The following BICC1 variants were observed in gnomAD, a reference collection of about 807,000 sequenced individuals.
BICC1 encodes BicC family RNA binding protein 1, also known as protein bicaudal C homolog 1.
BICC1 carries 43 observed loss-of-function variants against 111.0 expected under a neutral mutation model. The observed-to-expected ratio is 0.39, with a 90% CI of 0.30 to 0.50. BICC1 has a LOEUF of 0.50. Ranked by LOEUF, BICC1 falls within the 20% of genes least tolerant of loss-of-function variation. The pLI, the probability that BICC1 is intolerant of heterozygous loss-of-function variation, is 0.88. For missense variants in BICC1, 1,091 were observed against 1,203.2 expected (o/e 0.91, Z 1.38); for synonymous variants, 467 against 434.4 (o/e 1.07, Z -0.93).
At chr10:58,619,695 G>C (rs1410863672) in intron 1 of BICC1, among the ~76,000 whole-genome samples, 1 of 152,090 alleles carries the variant, frequency 6.6e-6, no homozygotes, top group Non-Finnish European at 1.5e-5. Flanking sequence ...GGATGGTCTT[G>C]ATCTCTTGAC....
chr10:58,776,952 G>A (rs1842764295), intron 3 of BICC1, among the ~76,000 whole-genome samples: 1 of 151,932 alleles, frequency 6.6e-6, no homozygotes, highest in Non-Finnish European at 1.5e-5. Context: ...TTTCTCTTAT[G>A]CTTTGGATTT....
chr10:58,707,348 T>C (rs1014673602), intron 3 of BICC1, among the ~76,000 whole-genome samples: 9 of 152,044 alleles, frequency 5.9e-5, no homozygotes, highest in Non-Finnish European at 1.3e-4. Flanking sequence ...TAGTTGTACT[T>C]AAAGGGCTGA....
At chr10:58,817,782 A>G in intron 19 of BICC1, 60 bp downstream of exon 19, 2 of 1,491,282 alleles carry the variant, frequency 1.3e-6, no homozygotes, top group Non-Finnish European at 9.1e-7. Context: ...GATGACTTCT[A>G]GAATGAAATC....
At chr10:58,750,284 G>C (rs1037932784) in intron 3 of BICC1, among the ~76,000 whole-genome samples, 1 of 152,088 alleles carries the variant, frequency 6.6e-6, no homozygotes, top group African/African-American at 2.4e-5. Flanking sequence ...TTTATACTCA[G>C]TGTGTTAGGC....
At chr10:58,637,746 A>G (rs892009449) in intron 2 of BICC1, among the ~76,000 whole-genome samples, 18 of 152,244 alleles carry the variant, frequency 1.2e-4, no homozygotes, top group African/African-American at 4.3e-4. Context: ...GTAAAACATG[A>G]TAACATAGTA....
chr10:58,601,707 A>G (rs142796086), intron 1 of BICC1, among the ~76,000 whole-genome samples: 1 of 152,212 alleles, frequency 6.6e-6, no homozygotes, highest in Middle Eastern at 3.4e-3. Flanking sequence ...TACAAACACT[A>G]CATCATTACT....
intron 20 of BICC1, chr10:58,823,605 G>T: frequency 1.0e-6 from 1 of 984,998 alleles, no homozygotes; most frequent in Non-Finnish European, 1.2e-6. Context: ...TTGTCTTCAT[G>T]GCCCAGTTGT....
chr10:58,692,738 G>T (rs1839947927), intron 2 of BICC1, among the ~76,000 whole-genome samples: 1 of 151,922 alleles, frequency 6.6e-6, no homozygotes, highest in Non-Finnish European at 1.5e-5. Flanking sequence ...TCAGCTTCCA[G>T]TGTTTCATCC....
chr10:58,668,418 T>G (rs1455694898), intron 2 of BICC1, among the ~76,000 whole-genome samples: 1 of 152,068 alleles, frequency 6.6e-6, no homozygotes, highest in African/African-American at 2.4e-5. Context: ...TTCACAGTGC[T>G]CTGAATCTCA....
intron 2 of BICC1, among the ~76,000 whole-genome samples, chr10:58,688,537 C>A (rs1279625612): frequency 6.6e-6 from 1 of 152,140 alleles, no homozygotes; most frequent in Admixed American, 6.6e-5. Flanking sequence ...TGGGTATATA[C>A]CCAAAGGATT....
intron 2 of BICC1, among the ~76,000 whole-genome samples, chr10:58,664,717 T>C (rs564828535): frequency 1.3e-5 from 2 of 152,124 alleles, no homozygotes; most frequent in South Asian, 4.1e-4. Flanking sequence ...TCCACTTTTG[T>C]GTCTTGTAAT....
intron 1 of BICC1, among the ~76,000 whole-genome samples, chr10:58,523,113 T>A (rs1842436662): frequency 6.6e-6 from 1 of 152,182 alleles, no homozygotes; most frequent in Admixed American, 6.5e-5. Flanking sequence ...ACAGCTGAAT[T>A]CTACCAGAGG....
chr10:58,816,211 AC>A (rs1844080900), intron 18 of BICC1, among the ~76,000 whole-genome samples: 1 of 152,056 alleles, frequency 6.6e-6, no homozygotes, highest in South Asian at 2.1e-4. Context: ...GTGGTCACTC[AC>A]CCCAATTTGC....
chr10:58,650,046 A>G (rs1012655926), intron 2 of BICC1: 1 of 152,218 alleles, frequency 6.6e-6, no homozygotes, highest in African/African-American at 2.4e-5. Context: ...TCATGAAACA[A>G]TACTTATATG....
chr10:58,694,364 G>A (rs921227788), intron 2 of BICC1, among the ~76,000 whole-genome samples: 2 of 152,316 alleles, frequency 1.3e-5, no homozygotes, highest in South Asian at 2.1e-4. Context: ...AACTTCAGAA[G>A]AGAAATGTGA....
chr10:58,555,467 A>G (rs1298549727), intron 1 of BICC1, among the ~76,000 whole-genome samples: 1 of 151,984 alleles, frequency 6.6e-6, no homozygotes, highest in East Asian at 1.9e-4. Context: ...TAAATAGGCA[A>G]AATTTCTTTT....
intron 1 of BICC1, among the ~76,000 whole-genome samples, chr10:58,539,400 GGA>G (rs1454845139): frequency 6.6e-6 from 1 of 151,576 alleles, no homozygotes; most frequent in Non-Finnish European, 1.5e-5. Flanking sequence ...CTGGCAAGCA[GGA>G]GAGAGGTGAG....
Position 58,829,295 on chromosome 10 carries a change from T to G in BICC1, c.*404T>G, listed in dbSNP as rs1028200620. The G allele has an allele frequency of 2.0e-5, 3 of 151,616 alleles. No homozygotes were observed. Among genetic ancestry groups the G allele is most frequent in the African/African-American group, 7.3e-5 (3 of 41,052 alleles). 9.4% of individuals were successfully genotyped at this position (151,616 alleles called of 1,614,324 possible). A position where few individuals can be genotyped will look rare whatever the true frequency, so the allele number is the denominator to read the frequency against. Reference sequence around the variant, plus strand: ...AAGTTATTTTGTTTGCTTGTTTTGTTTGGGTATTTGGGGATTTTTAAAAAA... The same window carrying G: ...AAGTTATTTTGTTTGCTTGTTTTGTGTGGGTATTTGGGGATTTTTAAAAAA... On this transcript the variant is annotated 3_prime_UTR_variant, in exon 21 of 21. Coordinates refer to ENST00000373886, the MANE Select transcript of BICC1 (RefSeq NM_001080512.3).
rs760449258 is a variant in BICC1, at chr10:58,706,063, A to G, written c.307+3920A>G. ...TTTATTTTGAGTGGATAAAAATTTA[A>G]CTCCTTCTGACTCTTAGATTGAGAA... On this transcript the variant is annotated intron_variant, in intron 3 of 20. Coordinates refer to ENST00000373886, the MANE Select transcript of BICC1 (RefSeq NM_001080512.3). Among the ~76,000 whole-genome samples, 211 of 152,102 alleles carry G rather than the reference A, an allele frequency of 1.4e-3. 6 individuals carry two copies. Among genetic ancestry groups the G allele is most frequent in the Non-Finnish European group, 3.4e-4 (23 of 68,026 alleles).
Sources: allele counts gnomAD v4.1 joint callset (sites outside exome capture counted in the v4.1 genomes callset), GRCh38; gene constraint gnomAD v4.1.1; transcripts MANE v1.5; gene names NCBI Gene and HGNC (gene_info 2026-07-23, HGNC 2026-07-21).